The following AIMP2 variants were observed in gnomAD, a reference collection of about 807,000 sequenced individuals.
AIMP2 encodes aminoacyl tRNA synthase complex-interacting multifunctional protein 2.
In AIMP2, 20 loss-of-function variants were observed where a neutral mutation model predicts 23.4. The observed-to-expected ratio is 0.85, with a 90% confidence interval of 0.60 to 1.24. The LOEUF (loss-of-function observed/expected upper bound fraction) is 1.24, where lower values mean the gene tolerates loss of function less well. AIMP2 is among the 50% of genes most tolerant of loss of function. The pLI, the probability that AIMP2 is intolerant of heterozygous loss-of-function variation, is 0.00. For synonymous variants in AIMP2, 210 were observed against 170.4 expected, an observed-to-expected ratio of 1.23 and a Z score of -1.81; for missense variants, 515 against 414.5, an observed-to-expected ratio of 1.24 and a Z score of -2.10.
Position 6,009,989 on chromosome 7 carries a change from A to ATATATATATATATATATG in AIMP2, c.135+494_135+495insATATATATATATATGTAT, listed in dbSNP as rs1259647902. Reference sequence around the variant, plus strand: ...AAAAAAAAAAAATATATATATATATATATGTATGTATCTTTCCAGGTCGGG... The same window carrying ATATATATATATATATATG: ...AAAAAAAAAAAATATATATATATATATATATATATATATATATGTATGTATGTATCTTTCCAGGTCGGG... On this transcript the variant is annotated intron_variant, in intron 1 of 3. Transcript: ENST00000223029. Among the ~76,000 whole-genome samples, 111 of 108,274 alleles carry ATATATATATATATATATG rather than the reference A, an allele frequency of 1.0e-3. 3 individuals carry two copies. Among genetic ancestry groups the ATATATATATATATATATG allele is most frequent in the African/African-American group, 2.7e-3 (81 of 29,466 alleles). The allele number at this position is 108,274 out of a possible 152,430, so 71.0% of individuals were successfully genotyped here.
At chr7:6,012,475 G>C (rs1447503550) in intron 1 of AIMP2, among the ~76,000 whole-genome samples, 1 of 152,024 alleles carries the variant, frequency 6.6e-6, no homozygotes, top group Non-Finnish European at 1.5e-5. Flanking sequence ...GATCACGAAG[G>C]ACTAGATCAC....
In AIMP2 at chr7:6,023,590, A is replaced by G. The variant is rs751152417; in HGVS notation, c.862A>G (p.Ile288Val). 8.1e-6 allele frequency: 13 copies of G among 1,614,104 alleles called. No individual in the cohort carries two copies. Among genetic ancestry groups the G allele is most frequent in the Non-Finnish European group, 1.0e-5 (12 of 1,180,042 alleles). ...DVVLWSVLQQ[I>V]GGCSVTVPAN... ...GGTGCTGTGGTCTGTACTCCAGCAG[A>G]TCGGAGGCTGCAGTGTGACAGTGCC... Residue 288 changes from isoleucine (I) to valine (V), a missense_variant, in exon 4 of 4, where the codon ATC becomes GTC. By Grantham distance (29) the Ile-to-Val change is conservative. Transcript: ENST00000223029.
In AIMP2 at chr7:6,023,654, T is replaced by G; in HGVS notation, c.926T>G (p.Leu309Arg). 6.2e-7 allele frequency: 1 copy of G among 1,614,146 alleles called. No individual in the cohort carries two copies. Among genetic ancestry groups the G allele is most frequent in the Non-Finnish European group, 8.5e-7 (1 of 1,180,018 alleles). The change falls in exon 4 of 4, where the codon CTG (leucine) becomes CGG (arginine). Residue 309 changes from leucine (L) to arginine (R), a missense_variant. Physicochemically the swap from Leu to Arg is moderately radical, Grantham distance 102. Transcript: ENST00000223029. ...AGGTGGATGAGGTCTTGTGAAAACC[T>G]GGCTCCTTTTAACACGGCCCTCAAG... Reference protein sequence around the residue: ...VQRWMRSCENLAPFNTALKLL... With the variant: ...VQRWMRSCENRAPFNTALKLL...
chr7:6,016,214 T>C (rs191135217), intron 2 of AIMP2, among the ~76,000 whole-genome samples: 2 of 152,320 alleles, frequency 1.3e-5, no homozygotes, highest in Non-Finnish European at 1.5e-5. Flanking sequence ...GCTCTCATGA[T>C]TGAAGTTTAC....
chr7:6,013,450 G>A (rs997465409), intron 1 of AIMP2, among the ~76,000 whole-genome samples: 18 of 151,846 alleles, frequency 1.2e-4, no homozygotes, highest in African/African-American at 4.1e-4. Context: ...TAGTAGAGAC[G>A]GGGTTTCACC....
At position 6,022,471 on chromosome 7, in the gene AIMP2, A is replaced by G. The variant is rs184741062; in HGVS notation, c.575-832A>G. 10 of 152,252 alleles carry G rather than the reference A, an allele frequency of 6.6e-5. No individual in the cohort carries two copies. In the East Asian group the frequency reaches 1.5e-3, roughly 24 times the overall value. 9.4% of individuals were successfully genotyped at this position (152,252 alleles called of 1,614,324 possible). On this transcript the variant is annotated intron_variant, in intron 3 of 3. Transcript: ENST00000223029. ...CCACTGTTCAAGGGTTAGCTGTACTATATGATGAGATGTGCAACATGGTTT... is the reference window on the plus strand; with the variant it reads ...CCACTGTTCAAGGGTTAGCTGTACTGTATGATGAGATGTGCAACATGGTTT...
chr7:6,021,498 G>A (rs937786590), intron 3 of AIMP2, among the ~76,000 whole-genome samples: 2 of 152,146 alleles, frequency 1.3e-5, no homozygotes, highest in East Asian at 1.9e-4. Context: ...AGATGTGCGT[G>A]ACTTCATAGG....
chr7:6,012,954 G>C (rs910517066), intron 1 of AIMP2: 2 of 988,400 alleles, frequency 2.0e-6, no homozygotes, highest in African/African-American at 3.5e-5. Flanking sequence ...CAGCAGACTA[G>C]GAGAGGTGAG....
chr7:6,009,410 T>A lies in AIMP2; in HGVS notation c.47T>A (p.Leu16His). 1 of 1,611,556 alleles carries A rather than the reference T, an allele frequency of 6.2e-7. No homozygotes were observed. Among genetic ancestry groups the A allele is most frequent in the Non-Finnish European group, 8.5e-7 (1 of 1,179,978 alleles). The change falls in exon 1 of 4, where the codon CTC (leucine) becomes CAC (histidine). Residue 16 changes from leucine (L) to histidine (H), a missense_variant. Transcript: ENST00000223029. Reference sequence around the variant, plus strand: ...CCCTATCACGGGGGCGGCGCGCCTCTCCGTGTGGAGCTTCCCACCTGCATG... The same window carrying A: ...CCCTATCACGGGGGCGGCGCGCCTCACCGTGTGGAGCTTCCCACCTGCATG... ...VKPYHGGGAPLRVELPTCMYR... is the reference protein window; with the variant it reads ...VKPYHGGGAPHRVELPTCMYR...
intron 3 of AIMP2, chr7:6,022,808 A>T (rs1373943430): frequency 6.5e-6 from 1 of 154,428 alleles, no homozygotes; most frequent in Non-Finnish European, 1.4e-5. Flanking sequence ...CACTGAAGTT[A>T]TCTTCTCATA....
rs1261475499 is a variant in AIMP2 at position 6,012,829 on chromosome 7, G to C, written c.136-2317G>C. On this transcript the variant is annotated intron_variant, in intron 1 of 3. Coordinates refer to ENST00000223029, the MANE Select transcript of AIMP2 (RefSeq NM_006303.4). ...GCCCTTCCAAAGTGCTGAGATTACA[G>C]GTATCAGCCACTGTGCCTAGCCAGC... The C allele has an allele frequency of 3.0e-6, 3 of 1,015,682 alleles. No individual in the cohort carries two copies. In the Admixed American group the frequency reaches 1.6e-4, roughly 55 times the overall value. The allele number at this position is 1,015,682 out of a possible 1,614,324, so 62.9% of individuals were successfully genotyped here.
chr7:6,009,512 G>T lies in AIMP2; in HGVS notation c.135+14G>T. The T allele has an allele frequency of 6.8e-7, 1 of 1,474,416 alleles. No individual in the cohort carries two copies. 91.3% of individuals were successfully genotyped at this position (1,474,416 alleles called of 1,614,324 possible). A position where few individuals can be genotyped will look rare whatever the true frequency, so the allele number is the denominator to read the frequency against. ...GGCCACGTGCAGGTAGGAGCGCGGG[G>T]CCCCCCGCCCAGTGCGCACGCGCGG... On this transcript the variant is annotated intron_variant, in intron 1 of 3. Transcript: ENST00000223029.
rs1322811895 is a variant in AIMP2 at position 6,018,457 on chromosome 7, A to AT, written c.574+419dup. Reference sequence around the variant, plus strand: ...GCCACCAGGCCCGGGCCTCATGTGGATTTTTTTCAATAACTATCTTGGAAA... The same window carrying AT: ...GCCACCAGGCCCGGGCCTCATGTGGATTTTTTTTCAATAACTATCTTGGAAA... On this transcript the variant is annotated intron_variant, in intron 3 of 3. Transcript: ENST00000223029. Among the ~76,000 whole-genome samples, 7 of 150,332 alleles carry AT rather than the reference A, an allele frequency of 4.7e-5. No homozygotes were observed. In the East Asian group the frequency reaches 1.2e-3, roughly 26 times the overall value.
chr7:6,021,685 GGAA>G (rs1436291776), intron 3 of AIMP2, among the ~76,000 whole-genome samples: 4 of 152,104 alleles, frequency 2.6e-5, no homozygotes, highest in African/African-American at 9.7e-5. Flanking sequence ...CAGACGTTGA[GGAA>G]GAAGACCTAG....
In AIMP2 at chr7:6,015,792, T is replaced by A. The variant is rs537404136; in HGVS notation, c.342+440T>A. Among the ~76,000 whole-genome samples the A allele has an allele frequency of 3.3e-5, 5 of 152,364 alleles. No homozygotes were observed. In the South Asian group the frequency reaches 1.0e-3, roughly 32 times the overall value. On this transcript the variant is annotated intron_variant, in intron 2 of 3. Transcript: ENST00000223029. ...CAAGAGCATGTTCATATTTTTTTCT[T>A]CTCTAAATGAGTGTGCCTTTGCACA...
rs191560988 is a variant in AIMP2 at position 6,020,247 on chromosome 7, C to T, written c.574+2202C>T. ...ACCAGCCTGACCAATATGGCGAAAC[C>T]CCATCTCTATTAAAGGCACAAAAAT... On this transcript the variant is annotated intron_variant, in intron 3 of 3. Transcript: ENST00000223029. Among the ~76,000 whole-genome samples, 14 of 151,984 alleles carry T rather than the reference C, an allele frequency of 9.2e-5. No individual in the cohort carries two copies. In the East Asian group the frequency reaches 2.7e-3, roughly 29 times the overall value.
In AIMP2 at chr7:6,014,988, G is replaced by A. The variant is rs555771629; in HGVS notation, c.136-158G>A. 9.7e-4 allele frequency: 1,428 copies of A among 1,465,986 alleles called. 4 individuals are homozygous for A. The highest frequency in any genetic ancestry group is 8.1e-4 in the Non-Finnish European group (904 of 1,109,524). The allele number at this position is 1,465,986 out of a possible 1,614,324, so 90.8% of individuals were successfully genotyped here. A position where few individuals can be genotyped will look rare whatever the true frequency, so the allele number is the denominator to read the frequency against. On this transcript the variant is annotated intron_variant, in intron 1 of 3. Transcript: ENST00000223029. ...GCCTACCTGGACCTCCCGAAGTGCT[G>A]GGATTACAGGCGTGAGCCACCACAC...
intron 3 of AIMP2, among the ~76,000 whole-genome samples, chr7:6,021,232 T>G (rs1346086486): frequency 6.6e-6 from 1 of 150,626 alleles, no homozygotes; most frequent in East Asian, 2.0e-4. Flanking sequence ...TAATTCCAGC[T>G]ACTTTGGAGG....
At position 6,023,684 on chromosome 7, in the gene AIMP2, TTAAGTGAATTGCCG is replaced by T. The variant is rs750210959; in HGVS notation, c.960_*10del. ...CCTTTTAACACGGCCCTCAAGCTCC[TTAAGTGAATTGCCG>T]TAACTGATTTTAAAGGGTTTAGATT... On this transcript the variant is annotated stop_retained_variant and 3_prime_UTR_variant, in exon 4 of 4. Transcript: ENST00000223029. 37 of 1,614,058 alleles carry T rather than the reference TTAAGTGAATTGCCG, an allele frequency of 2.3e-5. No individual in the cohort carries two copies. Among genetic ancestry groups the T allele is most frequent in the Admixed American group, 6.7e-5 (4 of 59,982 alleles).
Sources: gnomAD v4.1 joint callset for allele counts (sites outside exome capture counted in the v4.1 genomes callset) on GRCh38, gnomAD v4.1.1 for gene constraint, MANE v1.5 for transcripts, NCBI Gene and HGNC (gene_info 2026-07-23, HGNC 2026-07-21) for gene names.